Variants in PITRM1 observed in about 807,000 individuals in gnomAD.
PITRM1 encodes the protein presequence protease, mitochondrial.
PITRM1 carries 100 observed loss-of-function variants against 129.9 expected under a neutral mutation model. That is an observed-to-expected ratio of 0.77 (90% CI 0.65 to 0.91). PITRM1 has a LOEUF of 0.91. Ranked by LOEUF, PITRM1 falls within the 40% of genes least tolerant of loss-of-function variation. The probability of loss-of-function intolerance (pLI) is 0.00; values close to 1 mark genes in which losing one functional copy is unlikely to be tolerated. For synonymous variants in PITRM1, 591 were observed against 508.8 expected, an observed-to-expected ratio of 1.16 and a Z score of -2.17; for missense variants, 1,471 against 1,318.3, an observed-to-expected ratio of 1.12 and a Z score of -1.79.
Position 3,165,284 on chromosome 10 carries a change from G to T in PITRM1, c.584C>A (p.Pro195His). 6.3e-7 allele frequency: 1 copy of T among 1,585,824 alleles called. No homozygotes were observed. Among genetic ancestry groups the T allele is most frequent in the Non-Finnish European group, 8.6e-7 (1 of 1,166,398 alleles). ...EHENPSDPQT[P>H]LVFKGVVFNE... ...AAAGACGACTCCTTTAAAGACCAAG[G>T]GCGTCTGGGGGTCGCTCGGATTCTC... is the stretch of plus-strand genomic sequence containing the variant. The change falls in exon 6 of 27, where the codon CCC (proline) becomes CAC (histidine). Residue 195 changes from proline (P) to histidine (H), a missense_variant. Transcript: ENST00000224949.
rs1484753265 is a variant in PITRM1, at chr10:3,164,905, T to C, written c.630+333A>G. On this transcript the variant is annotated intron_variant, in intron 6 of 26. Transcript: ENST00000224949. ...TGCAGCTCGCTGTGTGTCACACACCTTGCCATGCAGCCTCTAGAAAGTACA... is the reference window on the plus strand; with the variant it reads ...TGCAGCTCGCTGTGTGTCACACACCCTGCCATGCAGCCTCTAGAAAGTACA... Among the ~76,000 whole-genome samples, 3 of 152,344 alleles carry C rather than the reference T, an allele frequency of 2.0e-5. No homozygotes were observed. In the East Asian group the frequency reaches 5.8e-4, roughly 29 times the overall value.
chr10:3,142,478 G>A lies in PITRM1; in HGVS notation c.2645+911C>T, dbSNP rs114131607. ...ACAAGGACACAGGAAGTGAATTTCC[G>A]GGATATAACATGTTTGCACATATCT... On this transcript the variant is annotated intron_variant, in intron 23 of 26. Transcript: ENST00000224949. Among the ~76,000 whole-genome samples the A allele has an allele frequency of 5.8e-3, 882 of 152,344 alleles. 6 individuals are homozygous for A. The highest frequency in any genetic ancestry group is 0.02 in the African/African-American group (833 of 41,590).
intron 15 of PITRM1, 130 bp from the exon 16 acceptor site, chr10:3,149,883 A>G: frequency 1.1e-6 from 1 of 951,988 alleles, no homozygotes; most frequent in East Asian, 2.5e-5. Context: ...GAGTTTATAT[A>G]AATTTCCCAA....
chr10:3,155,166 C>T (rs1335491240), intron 14 of PITRM1, among the ~76,000 whole-genome samples: 1 of 152,160 alleles, frequency 6.6e-6, no homozygotes, highest in Non-Finnish European at 1.5e-5. Context: ...CTGTGTGCCT[C>T]ACGCCTGTCC....
rs759340392 is a variant in PITRM1 at position 3,155,702 on chromosome 10, T to C, written c.1510A>G (p.Met504Val). 2 of 1,613,888 alleles carry C rather than the reference T, an allele frequency of 1.2e-6. No individual in the cohort carries two copies. Among genetic ancestry groups the C allele is most frequent in the Admixed American group, 3.3e-5 (2 of 60,020 alleles). ...KNNQHKLTLS[M>V]RPDDKYHEKQ... ...TCGTGATACTTGTCATCTGGCCTCA[T>C]CGATAAAGTCAGCTTATGCTGGTTA... Residue 504 changes from methionine (M) to valine (V), a missense_variant, in exon 14 of 27, where the codon ATG becomes GTG. Met to Val is a conservative substitution (Grantham distance 21). Transcript: ENST00000224949.
At chr10:3,162,220 A>ACC (rs1842513492) in intron 7 of PITRM1, among the ~76,000 whole-genome samples, 1 of 151,122 alleles carries the variant, frequency 6.6e-6, no homozygotes, top group Non-Finnish European at 1.5e-5. Flanking sequence ...TAGTTCCTGC[A>ACC]CCACCCCTCC....
chr10:3,145,472 G>T, intron 21 of PITRM1, 124 bp downstream of exon 21: 1 of 765,328 alleles, frequency 1.3e-6, no homozygotes, highest in Non-Finnish European at 2.1e-6. Context: ...CTTCATCTGC[G>T]TACGGGGGAT....
intron 24 of PITRM1, among the ~76,000 whole-genome samples, chr10:3,139,940 C>T (rs527707048): frequency 5.9e-4 from 90 of 152,336 alleles, no homozygotes; most frequent in Non-Finnish European, 1.0e-3. Flanking sequence ...AACAGAACTG[C>T]ATCCACATCA....
chr10:3,143,195 T>G, intron 23 of PITRM1, 194 bp downstream of exon 23: 1 of 590,160 alleles, frequency 1.7e-6, no homozygotes, highest in East Asian at 2.8e-5. Flanking sequence ...AATGACTGGC[T>G]CTAAAACTGG....
chr10:3,166,968 G>T lies in PITRM1; in HGVS notation c.234C>A (p.His78Gln), dbSNP rs769167928. 2 of 1,610,462 alleles carry T rather than the reference G, an allele frequency of 1.2e-6. No homozygotes were observed. The highest frequency in any genetic ancestry group is 1.1e-5 in the South Asian group (1 of 90,396). The change falls in exon 3 of 27, where the codon CAC becomes CAA. Residue 78 changes from histidine (H) to glutamine (Q), a missense_variant. Coordinates refer to ENST00000224949, the MANE Select transcript of PITRM1 (RefSeq NM_014889.4). ...GATTATTCGTGTCTTCTCTGGCCAGGTGTAAATACCTGGCTCCTGTGTCAT... is the reference window on the plus strand; with the variant it reads ...GATTATTCGTGTCTTCTCTGGCCAGTTGTAAATACCTGGCTCCTGTGTCAT... ...THDDTGARYLHLAREDTNNLF... is the reference protein window; with the variant it reads ...THDDTGARYLQLAREDTNNLF...
intron 20 of PITRM1, chr10:3,146,302 C>A (rs1480944161): frequency 6.5e-6 from 1 of 153,562 alleles, no homozygotes; most frequent in African/African-American, 2.4e-5. Flanking sequence ...AAAGTAACAG[C>A]AGGTACCATT....
chr10:3,162,752 G>C (rs1252388013), intron 7 of PITRM1, among the ~76,000 whole-genome samples: 1 of 152,228 alleles, frequency 6.6e-6, no homozygotes, highest in Admixed American at 6.5e-5. Flanking sequence ...GGAACAGCCA[G>C]GCCACCTGGA....
intron 21 of PITRM1, 132 bp downstream of exon 21, chr10:3,145,464 T>C: frequency 1.4e-6 from 1 of 726,478 alleles, no homozygotes; most frequent in South Asian, 1.9e-5. Flanking sequence ...CTCAGTTTCT[T>C]CATCTGCGTA....
In PITRM1 at chr10:3,148,301, C is replaced by T. The variant is rs952154089; in HGVS notation, c.1872-10G>A. The T allele has an allele frequency of 4.4e-6, 7 of 1,595,786 alleles. No homozygotes were observed. The highest frequency in any genetic ancestry group is 1.3e-5 in the African/African-American group (1 of 74,108). ...AAGGCCGCAGCCCAGCCTGACACAGCAGAGAAGCATCGCCCCGATTACAAG... is the reference window on the plus strand; with the variant it reads ...AAGGCCGCAGCCCAGCCTGACACAGTAGAGAAGCATCGCCCCGATTACAAG... On this transcript the variant is annotated splice_polypyrimidine_tract_variant and intron_variant, in intron 16 of 26. Transcript: ENST00000224949.
rs182812806 is a variant in PITRM1, at chr10:3,142,215, A to G, written c.2645+1174T>C. Among the ~76,000 whole-genome samples the G allele has an allele frequency of 3.6e-3, 555 of 152,368 alleles. 5 individuals are homozygous for G. The highest frequency in any genetic ancestry group is 0.013 in the African/African-American group (526 of 41,588). On this transcript the variant is annotated intron_variant, in intron 23 of 26. Coordinates refer to ENST00000224949, the MANE Select transcript of PITRM1 (RefSeq NM_014889.4). ...TCTACAAATATGGAAATAAATGAAC[A>G]AAACAGCTGACCACATACTTCTACA...
At chr10:3,142,040 A>G (rs1840281502) in intron 23 of PITRM1, among the ~76,000 whole-genome samples, 1 of 152,226 alleles carries the variant, frequency 6.6e-6, no homozygotes, top group Non-Finnish European at 1.5e-5. Flanking sequence ...GAAAGATTAT[A>G]AAATACAAAA....
chr10:3,151,057 A>T (rs1841465599), intron 15 of PITRM1, 190 bp downstream of exon 15: 1 of 563,072 alleles, frequency 1.8e-6, no homozygotes, highest in Non-Finnish European at 3.2e-6. Flanking sequence ...TACTGAGTGA[A>T]GGAGTCTATC....
chr10:3,151,077 A>T (rs1460898745), intron 15 of PITRM1, 170 bp downstream of exon 15: 2 of 591,102 alleles, frequency 3.4e-6, no homozygotes, highest in Non-Finnish European at 6.2e-6. Flanking sequence ...CACCACCGAG[A>T]GTTAAGAACA....
At chr10:3,145,523 A>C in intron 21 of PITRM1, 73 bp downstream of exon 21, 2 of 1,280,578 alleles carry the variant, frequency 1.6e-6, no homozygotes, top group Non-Finnish European at 2.2e-6. Flanking sequence ...AATTGAGTTA[A>C]TGCGTGTAAA....
Sources: allele counts gnomAD v4.1 joint callset (sites outside exome capture counted in the v4.1 genomes callset), GRCh38; gene constraint gnomAD v4.1.1; transcripts MANE v1.5; gene names NCBI Gene and HGNC (gene_info 2026-07-23, HGNC 2026-07-21).